Variants in GRIN2C observed in about 807,000 individuals in gnomAD.
GRIN2C encodes the protein glutamate receptor ionotropic, NMDA 2C.
In GRIN2C, 64 loss-of-function variants were observed where a neutral mutation model predicts 77.7. That is an observed-to-expected ratio of 0.82 (90% CI 0.67 to 1.01). The LOEUF is 1.01. GRIN2C is among the 50% of genes least tolerant of loss of function. The pLI is 0.00. For synonymous variants in GRIN2C, 792 were observed against 643.4 expected (o/e 1.23, Z -3.49); for missense variants, 1,549 against 1,486.0 (o/e 1.04, Z -0.70).
At position 74,850,698 on chromosome 17, in the gene GRIN2C, G is replaced by A; in HGVS notation, c.1183C>T (p.Gln395Ter). The A allele has an allele frequency of 6.2e-7, 1 of 1,613,616 alleles. No homozygotes were observed. The highest frequency in any genetic ancestry group is 8.5e-7 in the Non-Finnish European group (1 of 1,179,990). The change falls in exon 5 of 13, where the codon CAG becomes TAG. Residue 395 changes from glutamine (Q) to a stop codon, truncating the protein, a stop_gained. Coordinates refer to ENST00000293190, the MANE Select transcript of GRIN2C (RefSeq NM_000835.6). LOFTEE classifies it high-confidence loss of function. The surrounding 1 kb of genome is among the most constrained non-coding windows in gnomAD (Gnocchi z 5.3). Reference protein sequence around the residue: ...PVWPRYSASLQPVVDSRHLTV... With the variant: ...PVWPRYSASL ...AGGTGCCGACTGTCCACCACAGGCTGCAGAGAGGCACTGTAGCGAGGCCAC... is the reference window on the plus strand; with the variant it reads ...AGGTGCCGACTGTCCACCACAGGCTACAGAGAGGCACTGTAGCGAGGCCAC...
intron 1 of GRIN2C, among the ~76,000 whole-genome samples, chr17:74,856,481 CTT>C (rs35686686): frequency 5.2e-5 from 7 of 135,242 alleles, no homozygotes; most frequent in Admixed American, 7.5e-5. Flanking sequence ...CTCTCTCTCT[CTT>C]TTTTTTTTTT....
rs535941253 is a variant in GRIN2C, at chr17:74,848,497, C to T, written c.1646-520G>A. On this transcript the variant is annotated intron_variant, in intron 7 of 12. Coordinates refer to ENST00000293190, the MANE Select transcript of GRIN2C (RefSeq NM_000835.6). ...GGGAGGACGAGACGGGCGGATCGTT[C>T]GAGACCAGCCTGGCCAACATGGCGA... is the stretch of plus-strand genomic sequence containing the variant. Among the ~76,000 whole-genome samples the T allele has an allele frequency of 4.5e-3, 682 of 152,218 alleles. 3 individuals are homozygous for T. Among genetic ancestry groups the T allele is most frequent in the Non-Finnish European group, 5.5e-3 (373 of 67,992 alleles).
chr17:74,856,402 G>A (rs2144620553), intron 1 of GRIN2C, among the ~76,000 whole-genome samples: 1 of 152,024 alleles, frequency 6.6e-6, no homozygotes, highest in South Asian at 2.1e-4. Flanking sequence ...TCAGGGATGG[G>A]GCCCGAGACA....
At chr17:74,854,618 C>G in intron 2 of GRIN2C, 76 bp downstream of exon 2, 3 of 1,295,788 alleles carry the variant, frequency 2.3e-6, no homozygotes, top group Non-Finnish European at 2.2e-6. Flanking sequence ...ATCCCAGCTT[C>G]CCAGAACCAA....
rs1200001655 is a variant in GRIN2C, at chr17:74,844,305, G to A, written c.2554C>T (p.Gln852Ter). ...KLRHSVPNSS[Q>*]LDFLLAFSRG... ...CTGAAAGCCAGCAGGAAGTCCAGCT[G>A]GGATGAGTTGGGCACCGAGTGGCGC... The change falls in exon 12 of 13, where the codon CAG becomes TAG. Residue 852 changes from glutamine (Q) to a stop codon, truncating the protein, a stop_gained. Transcript: ENST00000293190. LOFTEE classifies it low-confidence loss of function (END_TRUNC). 8 of 1,614,112 alleles carry A rather than the reference G, an allele frequency of 5.0e-6. No homozygotes were observed. Among genetic ancestry groups the A allele is most frequent in the South Asian group, 1.1e-5 (1 of 91,086 alleles).
In GRIN2C at chr17:74,850,268, G is replaced by C. The variant is rs1178414070; in HGVS notation, c.1429C>G (p.Leu477Val). ...RVVKFSYDLY[L>V]VTNGKHGKRV... ...TTGCCATGCTTGCCGTTGGTCACCAGGTACAGGTCGTAGGAGAATTTGACC... is the reference window on the plus strand; with the variant it reads ...TTGCCATGCTTGCCGTTGGTCACCACGTACAGGTCGTAGGAGAATTTGACC... The change falls in exon 6 of 13, where the codon CTG (leucine) becomes GTG (valine). Residue 477 changes from leucine (L) to valine (V), a missense_variant. Physicochemically the swap from Leu to Val is conservative, Grantham distance 32 (BLOSUM62 1). Around this residue, in one of 3 missense-constraint regions of GRIN2C, gnomAD observed 717 missense variants for 858.1 expected, o/e 0.84. Transcript: ENST00000293190. The surrounding 1 kb of genome is among the most constrained non-coding windows in gnomAD (Gnocchi z 5.3). The C allele has an allele frequency of 6.2e-7, 1 of 1,613,892 alleles. No homozygotes were observed. The highest frequency in any genetic ancestry group is 1.1e-5 in the South Asian group (1 of 91,076).
chr17:74,844,339 G>A lies in GRIN2C; in HGVS notation c.2520C>T (p.Tyr840=). Residue 840 remains tyrosine (Y), a synonymous_variant, in exon 12 of 13, where the codon TAC becomes TAT. Transcript: ENST00000293190. ...TGGGCACCGAGTGGCGCAGCTTCCAGTAGACCAGGTGCTCCCAGGCGAAGA... is the reference window on the plus strand; with the variant it reads ...TGGGCACCGAGTGGCGCAGCTTCCAATAGACCAGGTGCTCCCAGGCGAAGA... ...LLVFAWEHLV[Y]WKLRHSVPNS... is the part of the protein sequence containing the mutation. 3 of 1,614,150 alleles carry A rather than the reference G, an allele frequency of 1.9e-6. No homozygotes were observed. The highest frequency in any genetic ancestry group is 2.5e-6 in the Non-Finnish European group (3 of 1,180,040).
Position 74,843,517 on chromosome 17 carries a change from C to T in GRIN2C, c.2620G>A (p.Ala874Thr), listed in dbSNP as rs1387080286. The T allele has an allele frequency of 2.6e-6, 4 of 1,533,372 alleles. No homozygotes were observed. Among genetic ancestry groups the T allele is most frequent in the South Asian group, 2.4e-5 (2 of 83,944 alleles). 95.0% of individuals were successfully genotyped at this position (1,533,372 alleles called of 1,614,324 possible). A position where few individuals can be genotyped will look rare whatever the true frequency, so the allele number is the denominator to read the frequency against. ...YSCFSGVQSL[A>T]SPPRQASPDL... Reference sequence around the variant, plus strand: ...GGGCTGGCCTGCCGCGGTGGGCTGGCGAGGCTCTGCACCCCGCTGAAGCAG... The same window carrying T: ...GGGCTGGCCTGCCGCGGTGGGCTGGTGAGGCTCTGCACCCCGCTGAAGCAG... Residue 874 changes from alanine to threonine, a missense_variant, in exon 13 of 13, where the codon GCC (alanine) becomes ACC (threonine). Coordinates refer to ENST00000293190, the MANE Select transcript of GRIN2C (RefSeq NM_000835.6).
chr17:74,853,664 G>T (rs1262058640), intron 2 of GRIN2C: 1 of 152,226 alleles, frequency 6.6e-6, no homozygotes, highest in Admixed American at 6.5e-5. Context: ...GGGGAAGGGG[G>T]TGCTGGTGAG....
rs778979388 is a variant in GRIN2C at position 74,849,423 on chromosome 17, G to C, written c.1645+357C>G. Among the ~76,000 whole-genome samples the C allele has an allele frequency of 6.6e-6, 1 of 152,042 alleles. No individual in the cohort carries two copies. The highest frequency in any genetic ancestry group is 2.4e-5 in the African/African-American group (1 of 41,384). On this transcript the variant is annotated intron_variant, in intron 7 of 12. Transcript: ENST00000293190. The surrounding 1 kb of genome is among the most constrained non-coding windows in gnomAD (Gnocchi z 4.6). Reference sequence around the variant, plus strand: ...CACCCAGGAAGCAACACACCTCTTCGCACACTACACTCGCTCCTCAACTCC... The same window carrying C: ...CACCCAGGAAGCAACACACCTCTTCCCACACTACACTCGCTCCTCAACTCC...
Position 74,843,233 on chromosome 17 carries a change from C to T in GRIN2C, c.2904G>A (p.Ala968=). 1.6e-6 allele frequency: 1 copy of T among 630,996 alleles called. No individual in the cohort carries two copies. Among genetic ancestry groups the T allele is most frequent in the Non-Finnish European group, 2.4e-6 (1 of 416,912 alleles). The allele number at this position is 630,996 out of a possible 1,614,324, so 39.1% of individuals were successfully genotyped here. A position where few individuals can be genotyped will look rare whatever the true frequency, so the allele number is the denominator to read the frequency against. ...TGWGPPDGGR[A]ALVRRAPQPP... Reference sequence around the variant, plus strand: ...GCTGCGGAGCCCTGCGCACAAGCGCCGCGCGACCCCCGTCTGGCGGTCCCC... The same window carrying T: ...GCTGCGGAGCCCTGCGCACAAGCGCTGCGCGACCCCCGTCTGGCGGTCCCC... The change falls in exon 13 of 13, where the codon GCG becomes GCA. Residue 968 remains alanine (A), a synonymous_variant. Coordinates refer to ENST00000293190, the MANE Select transcript of GRIN2C (RefSeq NM_000835.6).
At position 74,842,972 on chromosome 17, in the gene GRIN2C, G is replaced by T; in HGVS notation, c.3165C>A (p.Leu1055=). ...LFPELEDLPL[L]GPEQLARREA... is the part of the protein sequence containing the mutation. The stretch of plus-strand genomic sequence containing the variant: ...CCCGCCGGGCCAGCTGCTCCGGACC[G>T]AGCAGCGGCAGGTCCTCCAGCTCCG... Residue 1055 remains leucine, a synonymous_variant, in exon 13 of 13, where the codon CTC becomes CTA. Transcript: ENST00000293190. 1 of 517,936 alleles carries T rather than the reference G, an allele frequency of 1.9e-6. No homozygotes were observed. The highest frequency in any genetic ancestry group is 3.3e-6 in the Non-Finnish European group (1 of 300,668). 32.1% of individuals were successfully genotyped at this position (517,936 alleles called of 1,614,324 possible). A position where few individuals can be genotyped will look rare whatever the true frequency, so the allele number is the denominator to read the frequency against.
intron 1 of GRIN2C, among the ~76,000 whole-genome samples, chr17:74,856,780 T>C (rs1441717922): frequency 6.6e-6 from 1 of 151,766 alleles, no homozygotes; most frequent in Non-Finnish European, 1.5e-5. Flanking sequence ...CACCCAGCTA[T>C]CTCTCTCTTT....
In GRIN2C at chr17:74,850,356, G is replaced by T. The variant is rs2037598717; in HGVS notation, c.1341C>A (p.Ala447=). The T allele has an allele frequency of 1.2e-6, 2 of 1,612,496 alleles. No homozygotes were observed. Among genetic ancestry groups the T allele is most frequent in the Non-Finnish European group, 1.7e-6 (2 of 1,179,940 alleles). Residue 447 remains alanine (A), a synonymous_variant, in exon 6 of 13, where the codon GCC becomes GCA. Coordinates refer to ENST00000293190, the MANE Select transcript of GRIN2C (RefSeq NM_000835.6). The surrounding 1 kb of genome is among the most constrained non-coding windows in gnomAD (Gnocchi z 5.3). ...CCTTACAGCAGAGCTTGGTGTAGGG[G>T]GCCACGTCCCCGCTGCTGCAGCCAT... ...SNHTFSSGDV[A]PYTKLCCKGF...
chr17:74,850,434 A>T lies in GRIN2C; in HGVS notation c.1326-63T>A, dbSNP rs2037602619. On this transcript the variant is annotated intron_variant, in intron 5 of 12. Transcript: ENST00000293190. The surrounding 1 kb of genome is among the most constrained non-coding windows in gnomAD (Gnocchi z 5.3). ...GTATGTCGTGGCCCAGCCCCGCCCC[A>T]GCCACTCCTCCAGCCTGGCACGTGG... is the stretch of plus-strand genomic sequence containing the variant. 1.3e-6 allele frequency: 2 copies of T among 1,584,120 alleles called. No individual in the cohort carries two copies. Among genetic ancestry groups the T allele is most frequent in the East Asian group, 4.5e-5 (2 of 44,682 alleles).
chr17:74,860,523 C>T (rs946297517), upstream of GRIN2C: 3 of 456,146 alleles, frequency 6.6e-6, no homozygotes, highest in South Asian at 3.1e-5. Context: ...CGCGTGTCCC[C>T]GCCCTGCCCG....
At position 74,850,659 on chromosome 17, in the gene GRIN2C, G is replaced by A; in HGVS notation, c.1222C>T (p.Leu408=). ...ACGATGACAAAGGGCCGCTCTTCCA[G>A]CGTGGCCACCGTCAGGTGCCGACTG... ...VDSRHLTVAT[L]EERPFVIVES... Residue 408 remains leucine, a synonymous_variant, in exon 5 of 13, where the codon CTG becomes TTG. Transcript: ENST00000293190. This position sits in a 1 kb window ranked among gnomAD's most constrained non-coding sequence, Gnocchi z 5.3. 2 of 1,613,674 alleles carry A rather than the reference G, an allele frequency of 1.2e-6. No homozygotes were observed. Among genetic ancestry groups the A allele is most frequent in the Non-Finnish European group, 1.7e-6 (2 of 1,180,008 alleles).
chr17:74,847,938 A>T lies in GRIN2C; in HGVS notation c.1685T>A (p.Met562Lys). The change falls in exon 8 of 13, where the codon ATG (methionine) becomes AAG (lysine). Residue 562 changes from methionine (M) to lysine (K), a missense_variant. By Grantham distance (95) the Met-to-Lys change is moderately conservative. Transcript: ENST00000293190. The surrounding 1 kb of genome is among the most constrained non-coding windows in gnomAD (Gnocchi z 5.2). ...GGTGATGGCCACCACAGTGAGGCAC[A>T]TGACAAACATCATCACCCACACTGC... ...SPAVWVMMFV[M>K]CLTVVAITVF... 6.2e-7 allele frequency: 1 copy of T among 1,614,114 alleles called. No individual in the cohort carries two copies. The highest frequency in any genetic ancestry group is 8.5e-7 in the Non-Finnish European group (1 of 1,179,966).
intron 3 of GRIN2C, 69 bp from the exon 4 acceptor site, chr17:74,851,760 G>GCCAC: frequency 1.1e-6 from 1 of 927,952 alleles, no homozygotes; most frequent in Non-Finnish European, 1.7e-6. Context: ...CCTCACCGCC[G>GCCAC]CCACCGACAG....
Sources: gnomAD v4.1 joint callset for allele counts (sites outside exome capture counted in the v4.1 genomes callset) on GRCh38, gnomAD v4.1.1 for gene constraint, gnomAD v4.1.1 regional missense constraint, Gnocchi (gnomAD v3.1) non-coding constraint, MANE v1.5 for transcripts, NCBI Gene and HGNC (gene_info 2026-07-23, HGNC 2026-07-21) for gene names.